IGSF21: variants seen among roughly 807,000 people sequenced by gnomAD.
IGSF21 encodes the protein immunoglobulin superfamily member 21.
IGSF21 carries 28 observed loss-of-function variants against 46.8 expected under a neutral mutation model. The ratio of observed to expected loss-of-function variants is 0.60; its 90% confidence interval spans 0.44 to 0.82. IGSF21 has a LOEUF of 0.82. IGSF21 is among the 40% of genes least tolerant of loss of function. The probability of loss-of-function intolerance (pLI) is 0.00; values close to 1 mark genes in which losing one functional copy is unlikely to be tolerated. For synonymous variants in IGSF21, 284 were observed against 273.6 expected, an observed-to-expected ratio of 1.04 and a Z score of -0.38; for missense variants, 624 against 665.5, an observed-to-expected ratio of 0.94 and a Z score of 0.69.
At chr1:18,332,257 C>A (rs1200582529) in intron 3 of IGSF21, among the ~76,000 whole-genome samples, 1 of 152,200 alleles carries the variant, frequency 6.6e-6, no homozygotes, top group Non-Finnish European at 1.5e-5. Context: ...TGGGTGTCAA[C>A]CATGTTATTA....
At chr1:18,111,666 G>A (rs1448241735) in intron 1 of IGSF21, 2 of 152,214 alleles carry the variant, frequency 1.3e-5, no homozygotes, top group Non-Finnish European at 2.9e-5. Context: ...GATCAGCTGC[G>A]ATGTGTCAAG....
chr1:18,292,123 C>A (rs1001538525), intron 3 of IGSF21, 136 bp downstream of exon 3: 12 of 944,208 alleles, frequency 1.3e-5, no homozygotes, highest in Non-Finnish European at 1.7e-5. Flanking sequence ...TGGGGGCTCC[C>A]CTTATGGAAG....
chr1:18,273,544 A>T (rs1160649920), intron 2 of IGSF21, among the ~76,000 whole-genome samples: 4 of 109,388 alleles, frequency 3.7e-5, no homozygotes, highest in South Asian at 2.6e-4. Flanking sequence ...TTTTTTTTTT[A>T]ACCACTCTGC....
chr1:18,156,008 C>A (rs184111672), intron 1 of IGSF21, among the ~76,000 whole-genome samples: 2 of 152,228 alleles, frequency 1.3e-5, no homozygotes, highest in South Asian at 4.1e-4. Context: ...GATGTGCCAC[C>A]GGCCTGGCAG....
At chr1:18,259,772 A>C (rs768551180) in intron 2 of IGSF21, among the ~76,000 whole-genome samples, 26 of 152,176 alleles carry the variant, frequency 1.7e-4, no homozygotes, top group Non-Finnish European at 3.5e-4. Flanking sequence ...TTGGAGGTGC[A>C]CTGATGTGAA....
intron 1 of IGSF21, among the ~76,000 whole-genome samples, chr1:18,210,701 G>A (rs184007046): frequency 9.9e-5 from 15 of 152,132 alleles, no homozygotes; most frequent in African/African-American, 3.6e-4. Context: ...CGCACTGCAG[G>A]GTGTTTAGCA....
At chr1:18,330,653 G>A (rs1433140193) in intron 3 of IGSF21, among the ~76,000 whole-genome samples, 1 of 77,004 alleles carries the variant, frequency 1.3e-5, no homozygotes, top group Non-Finnish European at 3.7e-5. Flanking sequence ...GGAGGAAGGG[G>A]CAGGGACATG....
intron 1 of IGSF21, among the ~76,000 whole-genome samples, chr1:18,122,874 G>T (rs1003320410): frequency 1.3e-5 from 2 of 152,014 alleles, no homozygotes; most frequent in African/African-American, 4.8e-5. Context: ...CAATCTGCCC[G>T]CCTTGGCCTC....
intron 1 of IGSF21, among the ~76,000 whole-genome samples, chr1:18,151,082 C>T (rs1048351151): frequency 6.6e-6 from 1 of 152,194 alleles, no homozygotes; most frequent in Non-Finnish European, 1.5e-5. Flanking sequence ...CACAGAATAC[C>T]TGAGCGTCCC....
At chr1:18,214,649 G>A (rs749744255) in intron 1 of IGSF21, among the ~76,000 whole-genome samples, 24 of 152,198 alleles carry the variant, frequency 1.6e-4, no homozygotes, top group Admixed American at 1.0e-3. Flanking sequence ...AGTCATGGAG[G>A]AAGGTGAAGG....
intron 1 of IGSF21, among the ~76,000 whole-genome samples, chr1:18,225,870 T>C (rs1262568131): frequency 6.6e-6 from 1 of 152,220 alleles, no homozygotes; most frequent in African/African-American, 2.4e-5. Context: ...GTGGTTGTCA[T>C]GGAGCCCGAA....
rs544039818 is a variant in IGSF21, at chr1:18,259,905, A to G, written c.183+31895A>G. On this transcript the variant is annotated intron_variant, in intron 2 of 9. Coordinates refer to ENST00000251296, the MANE Select transcript of IGSF21 (RefSeq NM_032880.5). ...CAGTAGGGGCACAACGGTGTTCTGG[A>G]GTTGTGTGTGTGGTGACAGACAAAC... Among the ~76,000 whole-genome samples the G allele has an allele frequency of 2.2e-4, 34 of 152,290 alleles. 1 individual carries two copies. The highest frequency in any genetic ancestry group is 2.0e-3 in the Admixed American group (30 of 15,304).
At position 18,290,417 on chromosome 1, in the gene IGSF21, CACT is replaced by C. The variant is rs1481274281; in HGVS notation, c.184-1448_184-1446del. Reference sequence around the variant, plus strand: ...GGAGAAGCCGTGCCCTGGGAAGTCTCACTGCCGCTTCCTCTCAGGGTCCCAGAG... The same window carrying C: ...GGAGAAGCCGTGCCCTGGGAAGTCTCGCCGCTTCCTCTCAGGGTCCCAGAG... On this transcript the variant is annotated intron_variant, in intron 2 of 9. Coordinates refer to ENST00000251296, the MANE Select transcript of IGSF21 (RefSeq NM_032880.5). The surrounding 1 kb of genome is among the most constrained non-coding windows in gnomAD (Gnocchi z 4.2). 8.5e-5 allele frequency among the ~76,000 whole-genome samples: 13 copies of C among 152,174 alleles called. No homozygotes were observed. Among genetic ancestry groups the C allele is most frequent in the Admixed American group, 8.5e-4 (13 of 15,280 alleles).
intron 1 of IGSF21, among the ~76,000 whole-genome samples, chr1:18,159,117 T>C (rs1235167167): frequency 6.6e-6 from 1 of 152,178 alleles, no homozygotes; most frequent in African/African-American, 2.4e-5. Context: ...CTGTACCCAT[T>C]AGACTATGAG....
chr1:18,208,079 G>A (rs1213254480), intron 1 of IGSF21, among the ~76,000 whole-genome samples: 1 of 152,006 alleles, frequency 6.6e-6, no homozygotes, highest in Non-Finnish European at 1.5e-5. Flanking sequence ...GCATATCATT[G>A]GCCAACAGGG....
chr1:18,314,287 T>TG (rs2085518732), intron 3 of IGSF21, among the ~76,000 whole-genome samples: 2 of 127,234 alleles, frequency 1.6e-5, no homozygotes, highest in Non-Finnish European at 3.9e-5. Context: ...GCCCAGTGGT[T>TG]TTTTTTTTTT....
At chr1:18,361,724 A>G (rs2086102910) in intron 4 of IGSF21, 1 of 167,080 alleles carries the variant, frequency 6.0e-6, no homozygotes, top group Non-Finnish European at 1.3e-5. Flanking sequence ...GCTGTCTCCC[A>G]CCCACTCTTG....
At chr1:18,264,638 T>C (rs1341214096) in intron 2 of IGSF21, among the ~76,000 whole-genome samples, 2 of 152,226 alleles carry the variant, frequency 1.3e-5, no homozygotes, top group Non-Finnish European at 2.9e-5. Flanking sequence ...TTCCTTAACA[T>C]ACCTACAGAA....
intron 3 of IGSF21, among the ~76,000 whole-genome samples, chr1:18,303,309 G>A (rs1285613447): frequency 1.3e-5 from 2 of 151,716 alleles, no homozygotes; most frequent in Non-Finnish European, 2.9e-5. Flanking sequence ...CTCTATTTAG[G>A]GGGCTCAGGT....
Sources: gnomAD v4.1 joint callset for allele counts (sites outside exome capture counted in the v4.1 genomes callset) on GRCh38, gnomAD v4.1.1 for gene constraint, Gnocchi (gnomAD v3.1) non-coding constraint, MANE v1.5 for transcripts, NCBI Gene and HGNC (gene_info 2026-07-23, HGNC 2026-07-21) for gene names.